Variants in SCAPER observed in about 807,000 individuals in gnomAD.
The protein encoded by SCAPER is S phase cyclin A-associated protein in the endoplasmic reticulum.
A neutral mutation model predicts 182.2 loss-of-function variants in SCAPER; 98 were observed. The observed-to-expected ratio is 0.54, with a 90% CI of 0.46 to 0.64. SCAPER has a LOEUF of 0.64. SCAPER is among the 30% of genes least tolerant of loss of function. The pLI, the probability that SCAPER is intolerant of heterozygous loss-of-function variation, is 0.00. For missense variants in SCAPER, 1,432 were observed against 1,690.0 expected, an observed-to-expected ratio of 0.85 and a Z score of 2.68; for synonymous variants, 605 against 564.6, an observed-to-expected ratio of 1.07 and a Z score of -1.01.
At chr15:76,353,606 C>T (rs903110168) in intron 30 of SCAPER, among the ~76,000 whole-genome samples, 1 of 151,976 alleles carries the variant, frequency 6.6e-6, no homozygotes, top group Admixed American at 6.6e-5. Flanking sequence ...TATCTATTTC[C>T]TATAGTTAGA....
intron 5 of SCAPER, among the ~76,000 whole-genome samples, chr15:76,823,915 AAAAC>A (rs888343558): frequency 6.6e-6 from 1 of 152,170 alleles, no homozygotes; most frequent in African/African-American, 2.4e-5. Context: ...AAAAAAAAAA[AAAAC>A]TAACTAACTC....
chr15:76,674,993 T>C (rs1386727233), intron 20 of SCAPER, among the ~76,000 whole-genome samples: 2 of 152,142 alleles, frequency 1.3e-5, no homozygotes, highest in Non-Finnish European at 2.9e-5. Flanking sequence ...CCATAAAAAA[T>C]AGCCATAATG....
intron 29 of SCAPER, among the ~76,000 whole-genome samples, chr15:76,369,509 C>T (rs915732977): frequency 2.0e-5 from 3 of 152,118 alleles, no homozygotes; most frequent in African/African-American, 7.2e-5. Context: ...CTTCTCTGAG[C>T]CTCAGTTCCT....
At chr15:76,606,839 T>C (rs376931128) in intron 22 of SCAPER, among the ~76,000 whole-genome samples, 12 of 151,750 alleles carry the variant, frequency 7.9e-5, no homozygotes, top group East Asian at 1.9e-4. Context: ...GGATTGCAAC[T>C]CCTGCCTTTT....
chr15:76,434,441 A>G (rs922531276), intron 25 of SCAPER, 131 bp from the exon 26 acceptor site: 2 of 659,850 alleles, frequency 3.0e-6, no homozygotes, highest in African/African-American at 3.6e-5. Flanking sequence ...TGGCTCTGAA[A>G]TCAGACTGCA....
At chr15:76,810,258 TAA>T (rs1349315499) in intron 5 of SCAPER, among the ~76,000 whole-genome samples, 2 of 151,994 alleles carry the variant, frequency 1.3e-5, no homozygotes, top group African/African-American at 4.8e-5. Context: ...TTATAAAAGA[TAA>T]GAGATAAAAG....
chr15:76,415,287 G>C (rs538387165), intron 26 of SCAPER, among the ~76,000 whole-genome samples: 1 of 152,174 alleles, frequency 6.6e-6, no homozygotes, highest in South Asian at 2.1e-4. Flanking sequence ...ATAAATTTTT[G>C]TCAGCAAACA....
chr15:76,678,413 AT>A (rs10718047), intron 20 of SCAPER, among the ~76,000 whole-genome samples: 148,445 of 151,994 alleles, frequency 0.98, 72,582 homozygotes, highest in South Asian at 1. Context: ...TGAAAAATCC[AT>A]TTTTTTTCCT....
intron 26 of SCAPER, among the ~76,000 whole-genome samples, chr15:76,422,917 T>G (rs1211587850): frequency 1.3e-5 from 2 of 152,222 alleles, no homozygotes; most frequent in Non-Finnish European, 2.9e-5. Context: ...TATGCTGGAT[T>G]ACATTTATTG....
rs535704859 is a variant in SCAPER at position 76,776,960 on chromosome 15, C to G, written c.773-1843G>C. Among the ~76,000 whole-genome samples the G allele has an allele frequency of 7.2e-5, 11 of 151,986 alleles. No individual in the cohort carries two copies. In the East Asian group the frequency reaches 2.1e-3, roughly 29 times the overall value. The stretch of plus-strand genomic sequence containing the variant: ...TGAAAAATTCCTAAATTTAGTGAAA[C>G]AGAGAAAACTATGAATTCAAGAAAG... On this transcript the variant is annotated intron_variant, in intron 8 of 31. Transcript: ENST00000563290.
At chr15:76,880,687 C>T (rs2073475595) in intron 2 of SCAPER, among the ~76,000 whole-genome samples, 1 of 151,292 alleles carries the variant, frequency 6.6e-6, no homozygotes, top group South Asian at 2.1e-4. Flanking sequence ...AAACGAAGAT[C>T]TCTAACACTC....
At chr15:76,562,633 A>G (rs2046730804) in intron 23 of SCAPER, among the ~76,000 whole-genome samples, 1 of 152,236 alleles carries the variant, frequency 6.6e-6, no homozygotes, top group Non-Finnish European at 1.5e-5. Context: ...AAGCGCTGGA[A>G]AGAAAGGAAG....
chr15:76,644,384 A>G (rs2054364584), intron 21 of SCAPER, among the ~76,000 whole-genome samples: 1 of 152,174 alleles, frequency 6.6e-6, no homozygotes, highest in Admixed American at 6.5e-5. Context: ...TAATGATTTT[A>G]TATTATTTCT....
intron 22 of SCAPER, among the ~76,000 whole-genome samples, chr15:76,603,189 T>C (rs2050058692): frequency 8.5e-6 from 1 of 118,246 alleles, no homozygotes; most frequent in Admixed American, 9.9e-5. Context: ...TCCCCCTTCC[T>C]CCCACCCCAC....
intron 22 of SCAPER, among the ~76,000 whole-genome samples, chr15:76,598,975 C>T (rs1282572762): frequency 1.7e-5 from 2 of 116,386 alleles, no homozygotes; most frequent in South Asian, 2.7e-4. Context: ...CAGTTTCTAG[C>T]GGTAATAAAA....
chr15:76,777,105 A>C (rs2063787789), intron 8 of SCAPER, among the ~76,000 whole-genome samples: 1 of 152,168 alleles, frequency 6.6e-6, no homozygotes, highest in African/African-American at 2.4e-5. Context: ...CTAAATACAC[A>C]CAAAAAAATA....
chr15:76,394,207 A>G (rs2043896615), intron 27 of SCAPER, among the ~76,000 whole-genome samples: 1 of 152,200 alleles, frequency 6.6e-6, no homozygotes, highest in African/African-American at 2.4e-5. Flanking sequence ...GCCTTATACT[A>G]ATAGGTAGCA....
At chr15:76,544,533 A>C (rs757618505) in intron 23 of SCAPER, among the ~76,000 whole-genome samples, 1 of 152,200 alleles carries the variant, frequency 6.6e-6, no homozygotes, top group Non-Finnish European at 1.5e-5. Context: ...GAGCCTTGAA[A>C]TTTATCTAAT....
chr15:76,668,419 A>G (rs2056779872), intron 20 of SCAPER, among the ~76,000 whole-genome samples: 1 of 152,152 alleles, frequency 6.6e-6, no homozygotes, highest in African/African-American at 2.4e-5. Flanking sequence ...ATGACCTACA[A>G]GGCTGAGTCA....
Sources: gnomAD v4.1 joint callset for allele counts (sites outside exome capture counted in the v4.1 genomes callset) on GRCh38, gnomAD v4.1.1 for gene constraint, MANE v1.5 for transcripts, NCBI Gene and HGNC (gene_info 2026-07-23, HGNC 2026-07-21) for gene names.